CDK13: variants seen among roughly 807,000 people sequenced by gnomAD.
CDK13 encodes cyclin dependent kinase 13, also known as cyclin-dependent kinase 13.
A neutral mutation model predicts 137.6 loss-of-function variants in CDK13; 40 were observed. That is an observed-to-expected ratio of 0.29 (90% confidence interval 0.23 to 0.38). The LOEUF (loss-of-function observed/expected upper bound fraction) is 0.38, where lower values mean the gene tolerates loss of function less well. Ranked by LOEUF, CDK13 falls within the 10% of genes least tolerant of loss-of-function variation. CDK13 has a pLI of 1.00. For missense variants in CDK13, 1,704 were observed against 1,951.8 expected, an observed-to-expected ratio of 0.87 and a Z score of 2.39; for synonymous variants, 869 against 760.1, an observed-to-expected ratio of 1.14 and a Z score of -2.36.
At chr7:40,031,297 G>C (rs180920623) in intron 5 of CDK13, among the ~76,000 whole-genome samples, 66 of 152,190 alleles carry the variant, frequency 4.3e-4, no homozygotes, top group African/African-American at 1.6e-3. Context: ...CAAGGTGGGC[G>C]GATCACTTGA....
chr7:40,020,382 G>A (rs1785091450), intron 5 of CDK13, among the ~76,000 whole-genome samples: 1 of 151,948 alleles, frequency 6.6e-6, no homozygotes, highest in Admixed American at 6.6e-5. Flanking sequence ...TTGTTTTATC[G>A]CCTCATGTTA....
chr7:39,951,324 C>T lies in CDK13; in HGVS notation c.683C>T (p.Ala228Val), dbSNP rs1787179018. The change falls in exon 1 of 14, where the codon GCC becomes GTC. Residue 228 changes from alanine (A) to valine (V), a missense_variant. Transcript: ENST00000181839. ...RRDGQRGGSEASKSRSRHSHS... is the reference protein window; with the variant it reads ...RRDGQRGGSEVSKSRSRHSHS... ...GATGGGCAGCGCGGTGGCAGCGAGG[C>T]CTCCAAGTCCCGCAGCCGCCACAGC... is the stretch of plus-strand genomic sequence containing the variant. The T allele has an allele frequency of 1.4e-6, 2 of 1,415,680 alleles. No individual in the cohort carries two copies. The highest frequency in any genetic ancestry group is 1.5e-5 in the African/African-American group (1 of 66,152). The allele number at this position is 1,415,680 out of a possible 1,614,324, so 87.7% of individuals were successfully genotyped here.
At chr7:40,003,084 C>T (rs1040845726) in intron 5 of CDK13, among the ~76,000 whole-genome samples, 12 of 146,164 alleles carry the variant, frequency 8.2e-5, no homozygotes, top group Admixed American at 2.8e-4. Context: ...TCTCTAAAAA[C>T]GAAAAGAAAA....
chr7:39,956,337 T>A (rs1212424693), intron 1 of CDK13, among the ~76,000 whole-genome samples: 1 of 152,230 alleles, frequency 6.6e-6, no homozygotes, highest in East Asian at 1.9e-4. Flanking sequence ...TTGCTCCTTC[T>A]CTGACCAAAC....
Position 40,078,033 on chromosome 7 carries a change from G to T in CDK13, c.2809G>T (p.Val937Leu). The change falls in exon 10 of 14, where the codon GTG becomes TTG. Residue 937 changes from valine (V) to leucine (L), a missense_variant. Physicochemically the swap from Val to Leu is conservative, Grantham distance 32 (BLOSUM62 1). This residue lies in a region of CDK13 where 130 missense variants were observed against 362.4 expected (regional missense o/e 0.36). Coordinates refer to ENST00000181839, the MANE Select transcript of CDK13 (RefSeq NM_003718.5). ...AATATGTGGGAGTCCATGTCCTGCA[G>T]TGTGGCCTGATGTAATCAAACTACC... ...SRICGSPCPA[V>L]WPDVIKLPYF... 4 of 1,588,228 alleles carry T rather than the reference G, an allele frequency of 2.5e-6. No homozygotes were observed. Among genetic ancestry groups the T allele is most frequent in the Non-Finnish European group, 3.4e-6 (4 of 1,169,972 alleles).
chr7:39,959,768 T>A (rs1787549214), intron 1 of CDK13, among the ~76,000 whole-genome samples: 1 of 149,680 alleles, frequency 6.7e-6, no homozygotes, highest in Non-Finnish European at 1.5e-5. Context: ...CCTGGCCAGA[T>A]GTTCTAATTT....
At chr7:40,075,980 C>T (rs180922806) in intron 9 of CDK13, among the ~76,000 whole-genome samples, 1 of 152,194 alleles carries the variant, frequency 6.6e-6, no homozygotes, top group African/African-American at 2.4e-5. Context: ...ATGCCTTTGC[C>T]TGTGTTCTCT....
At chr7:40,019,968 AG>A (rs1223145682) in intron 5 of CDK13, among the ~76,000 whole-genome samples, 1 of 152,182 alleles carries the variant, frequency 6.6e-6, no homozygotes, top group Non-Finnish European at 1.5e-5. Flanking sequence ...ACTTTCATGA[AG>A]TTTTTTTGTT....
intron 5 of CDK13, among the ~76,000 whole-genome samples, chr7:40,038,227 T>C (rs1365414680): frequency 6.6e-6 from 1 of 152,188 alleles, no homozygotes; most frequent in Non-Finnish European, 1.5e-5. Flanking sequence ...GTAGCAATGT[T>C]GTAAGTGCTC....
rs761752355 is a variant in CDK13, at chr7:40,062,864, G to A, written c.2639G>A (p.Arg880His). The A allele has an allele frequency of 1.9e-6, 3 of 1,613,684 alleles. No homozygotes were observed. Among genetic ancestry groups the A allele is most frequent in the Non-Finnish European group, 8.5e-7 (1 of 1,179,756 alleles). Residue 880 changes from arginine to histidine, a missense_variant, in exon 8 of 14, where the codon CGT becomes CAT. Coordinates refer to ENST00000181839, the MANE Select transcript of CDK13 (RefSeq NM_003718.5). ...AACAAGGTAATTACTTTATGGTACC[G>A]TCCACCTGAACTGCTACTGGGAGAA... The part of the protein sequence containing the change: ...YTNKVITLWY[R>H]PPELLLGEER...
chr7:40,098,673 G>GC lies in CDK13; in HGVS notation c.*3694dup, dbSNP rs1196089642. The GC allele has an allele frequency of 1.3e-5, 2 of 151,896 alleles. No homozygotes were observed. The highest frequency in any genetic ancestry group is 4.8e-5 in the African/African-American group (2 of 41,362). The allele number at this position is 151,896 out of a possible 1,614,324, so 9.4% of individuals were successfully genotyped here. A position where few individuals can be genotyped will look rare whatever the true frequency, so the allele number is the denominator to read the frequency against. ...GAAAGAGGGATTGCCAGAAACTTTG[G>GC]CAGCTGGATTGCCTGTGCTTGTTCC... On this transcript the variant is annotated 3_prime_UTR_variant, in exon 14 of 14. Coordinates refer to ENST00000181839, the MANE Select transcript of CDK13 (RefSeq NM_003718.5).
chr7:40,004,610 A>G (rs1196204034), intron 5 of CDK13, among the ~76,000 whole-genome samples: 1 of 152,226 alleles, frequency 6.6e-6, no homozygotes, highest in Non-Finnish European at 1.5e-5. Context: ...ATGACATTAC[A>G]CTAATTGTGA....
intron 5 of CDK13, among the ~76,000 whole-genome samples, chr7:40,030,402 T>C (rs1785350598): frequency 6.8e-6 from 1 of 147,652 alleles, no homozygotes; most frequent in South Asian, 2.2e-4. Flanking sequence ...TCCCCACCCC[T>C]GCAACTCTGG....
At chr7:40,058,232 G>T (rs1369278142) in intron 7 of CDK13, among the ~76,000 whole-genome samples, 1 of 152,144 alleles carries the variant, frequency 6.6e-6, no homozygotes, top group Non-Finnish European at 1.5e-5. Context: ...GTCAAAGGTT[G>T]CCCAGTGTAA....
chr7:39,953,417 T>TA (rs1383047279), intron 1 of CDK13, among the ~76,000 whole-genome samples: 50 of 152,350 alleles, frequency 3.3e-4, no homozygotes, highest in African/African-American at 1.1e-3. Flanking sequence ...TTGAACAATT[T>TA]AAAGTGCTTG....
Position 40,093,248 on chromosome 7 carries a change from A to G in CDK13, c.3688+11A>G. ...GCACTCCGGTGTCGGGTAAGTGTGC[A>G]GATACCAGACCACTAACACAGCTGC... On this transcript the variant is annotated intron_variant, in intron 13 of 13. Coordinates refer to ENST00000181839, the MANE Select transcript of CDK13 (RefSeq NM_003718.5). 6.3e-7 allele frequency: 1 copy of G among 1,596,376 alleles called. No homozygotes were observed. The highest frequency in any genetic ancestry group is 1.1e-5 in the South Asian group (1 of 89,144).
At chr7:40,038,429 A>C (rs1785532584) in intron 5 of CDK13, among the ~76,000 whole-genome samples, 1 of 152,190 alleles carries the variant, frequency 6.6e-6, no homozygotes, top group Non-Finnish European at 1.5e-5. Flanking sequence ...GCTGCATTGA[A>C]TAGCCCTATG....
At chr7:40,020,405 C>T (rs17537964) in intron 5 of CDK13, among the ~76,000 whole-genome samples, 91 of 152,232 alleles carry the variant, frequency 6.0e-4, no homozygotes, top group African/African-American at 1.9e-3. Context: ...AATGCAGCAG[C>T]CACTTTACCA....
intron 11 of CDK13, 43 bp downstream of exon 11, chr7:40,078,894 T>C (rs1208838121): frequency 4.0e-6 from 3 of 743,928 alleles, no homozygotes; most frequent in African/African-American, 1.9e-5. Context: ...ATTATTATTA[T>C]ATTTATTATA....
Sources: allele counts gnomAD v4.1 joint callset (sites outside exome capture counted in the v4.1 genomes callset), GRCh38; gene constraint gnomAD v4.1.1; regional missense constraint gnomAD v4.1.1; transcripts MANE v1.5; gene names NCBI Gene and HGNC (gene_info 2026-07-23, HGNC 2026-07-21).